The following CAMK4 variants were observed in gnomAD, a reference collection of about 807,000 sequenced individuals.
CAMK4 encodes calcium/calmodulin-dependent protein kinase type IV.
A neutral mutation model predicts 44.9 loss-of-function variants in CAMK4; 22 were observed. The ratio of observed to expected loss-of-function variants is 0.49; its 90% CI spans 0.35 to 0.70. CAMK4 has a LOEUF of 0.70. Ranked by LOEUF, CAMK4 falls within the 30% of genes least tolerant of loss-of-function variation. The pLI, the probability that CAMK4 is intolerant of heterozygous loss-of-function variation, is 0.01. For missense variants in CAMK4, 498 were observed against 586.8 expected (o/e 0.85, Z 1.56); for synonymous variants, 218 against 215.4 (o/e 1.01, Z -0.11).
At chr5:111,269,647 A>G (rs540093680) in intron 1 of CAMK4, among the ~76,000 whole-genome samples, 14 of 152,214 alleles carry the variant, frequency 9.2e-5, no homozygotes, top group South Asian at 2.1e-4. Context: ...AGCTTATTTT[A>G]TCTCACATCC....
At chr5:111,282,523 C>T (rs748565737) in intron 1 of CAMK4, among the ~76,000 whole-genome samples, 2 of 152,018 alleles carry the variant, frequency 1.3e-5, no homozygotes, top group Non-Finnish European at 2.9e-5. Context: ...CCCTTAATTC[C>T]GAATTTTTTA....
At chr5:111,434,985 G>A (rs1187724004) in intron 5 of CAMK4, among the ~76,000 whole-genome samples, 1 of 152,130 alleles carries the variant, frequency 6.6e-6, no homozygotes, top group Non-Finnish European at 1.5e-5. Flanking sequence ...CAGCATAGCT[G>A]TAATTAAACT....
rs1748575663 is a variant in CAMK4, at chr5:111,319,614, T to C, written c.162-24410T>C. Reference sequence around the variant, plus strand: ...AGTGTATAATGAAAATTGCTAATTCTGATGCTTATAAAGGGCAGGCCTGTG... The same window carrying C: ...AGTGTATAATGAAAATTGCTAATTCCGATGCTTATAAAGGGCAGGCCTGTG... On this transcript the variant is annotated intron_variant, in intron 1 of 10. Transcript: ENST00000282356. Among the ~76,000 whole-genome samples, 3 of 152,150 alleles carry C rather than the reference T, an allele frequency of 2.0e-5. No individual in the cohort carries two copies. The South Asian group carries it at 6.2e-4, about 32-fold the overall frequency.
At chr5:111,432,662 G>GTATATATATATA (rs58147378) in intron 5 of CAMK4, among the ~76,000 whole-genome samples, 29 of 142,962 alleles carry the variant, frequency 2.0e-4, no homozygotes, top group African/African-American at 7.0e-4. Flanking sequence ...ATATGTGTGT[G>GTATATATATATA]TATATATATA....
At chr5:111,274,423 C>T (rs1281226295) in intron 1 of CAMK4, among the ~76,000 whole-genome samples, 2 of 152,126 alleles carry the variant, frequency 1.3e-5, no homozygotes, top group Non-Finnish European at 2.9e-5. Flanking sequence ...CAGTGAATGG[C>T]ACATAATTGG....
intron 7 of CAMK4, among the ~76,000 whole-genome samples, chr5:111,456,021 A>G (rs77728748): frequency 6.6e-6 from 1 of 152,290 alleles, no homozygotes; most frequent in East Asian, 1.9e-4. Context: ...ATTATAATGA[A>G]TATCATCATC....
chr5:111,336,722 A>G (rs1749420605), intron 1 of CAMK4, among the ~76,000 whole-genome samples: 1 of 151,184 alleles, frequency 6.6e-6, no homozygotes, highest in African/African-American at 2.4e-5. Flanking sequence ...AATATTTTTT[A>G]TGTGAATTTT....
intron 1 of CAMK4, among the ~76,000 whole-genome samples, chr5:111,287,103 G>C (rs1751268742): frequency 6.6e-6 from 1 of 152,148 alleles, no homozygotes; most frequent in African/African-American, 2.4e-5. Context: ...TGGCCTTACT[G>C]AAACTTTTTT....
rs1755473026 is a variant in CAMK4 at position 111,482,658 on chromosome 5, A to AT, written c.829-120dup. On this transcript the variant is annotated intron_variant, in intron 9 of 10. Transcript: ENST00000282356. The surrounding 1 kb of genome is among the most constrained non-coding windows in gnomAD (Gnocchi z 4.9). ...ACAGTGGCCCCTGAGGACTTAAACA[A>AT]TTTTTTTCTCACATATATTTAGTGG... is the stretch of plus-strand genomic sequence containing the variant. The AT allele has an allele frequency of 4.0e-6, 3 of 741,208 alleles. No homozygotes were observed. The highest frequency in any genetic ancestry group is 6.5e-6 in the Non-Finnish European group (3 of 463,236). The allele number at this position is 741,208 out of a possible 1,614,324, so 45.9% of individuals were successfully genotyped here. A position where few individuals can be genotyped will look rare whatever the true frequency, so the allele number is the denominator to read the frequency against.
In CAMK4 at chr5:111,232,841, T is replaced by C. The variant is rs567789139; in HGVS notation, c.161+8197T>C. Among the ~76,000 whole-genome samples, 5 of 152,134 alleles carry C rather than the reference T, an allele frequency of 3.3e-5. No homozygotes were observed. In the South Asian group the frequency reaches 1.0e-3, roughly 32 times the overall value. On this transcript the variant is annotated intron_variant, in intron 1 of 10. Transcript: ENST00000282356. ...AGAAAGGAGAAATGTTGGACTTAGA[T>C]TGGTTACCTAGACCAGGTAAAGAGT... is the stretch of plus-strand genomic sequence containing the variant.
Position 111,449,203 on chromosome 5 carries a change from G to A in CAMK4, c.625G>A (p.Ala209Thr), listed in dbSNP as rs750970862. The change falls in exon 7 of 11, where the codon GCA (alanine) becomes ACA (threonine). Residue 209 changes from alanine (A) to threonine (T), a missense_variant and splice_region_variant. Transcript: ENST00000282356. ...KTVCGTPGYCAPEILRGCAYG... is the reference protein window; with the variant it reads ...KTVCGTPGYCTPEILRGCAYG... ...AGTATGTGGAACCCCAGGGTACTGC[G>A]GTATGCTCTTTAATAATTATATTTT... is the stretch of plus-strand genomic sequence containing the variant. The A allele has an allele frequency of 5.7e-6, 8 of 1,413,542 alleles. No individual in the cohort carries two copies. The highest frequency in any genetic ancestry group is 6.9e-6 in the Non-Finnish European group (7 of 1,017,120). The allele number at this position is 1,413,542 out of a possible 1,614,324, so 87.6% of individuals were successfully genotyped here.
chr5:111,312,957 C>T (rs897467857), intron 1 of CAMK4, among the ~76,000 whole-genome samples: 1 of 152,102 alleles, frequency 6.6e-6, no homozygotes, highest in African/African-American at 2.4e-5. Context: ...AACTTTTTAA[C>T]TTAAAACAAC....
intron 5 of CAMK4, among the ~76,000 whole-genome samples, chr5:111,443,272 A>G (rs1231228151): frequency 2.3e-5 from 1 of 43,532 alleles, no homozygotes; most frequent in Non-Finnish European, 4.0e-5. Context: ...ATATATATAT[A>G]TATATATACA....
intron 5 of CAMK4, among the ~76,000 whole-genome samples, chr5:111,443,345 A>AG (rs1753913070): frequency 1.4e-5 from 2 of 139,738 alleles, no homozygotes; most frequent in African/African-American, 5.4e-5. Flanking sequence ...TACTATATAT[A>AG]TACTATATAT....
chr5:111,474,098 A>G (rs1209557190), intron 8 of CAMK4, among the ~76,000 whole-genome samples: 3 of 152,192 alleles, frequency 2.0e-5, no homozygotes, highest in Non-Finnish European at 4.4e-5. Context: ...AACAACTAGA[A>G]AATAAGATAT....
intron 1 of CAMK4, among the ~76,000 whole-genome samples, chr5:111,330,938 A>G (rs1196687514): frequency 1.3e-5 from 2 of 151,768 alleles, no homozygotes; most frequent in Non-Finnish European, 2.9e-5. Context: ...ATATACCTTG[A>G]TACATGCCTT....
At chr5:111,423,079 T>C (rs1344151648) in intron 5 of CAMK4, among the ~76,000 whole-genome samples, 1 of 152,224 alleles carries the variant, frequency 6.6e-6, no homozygotes, top group Non-Finnish European at 1.5e-5. Flanking sequence ...AAATCTTGTT[T>C]AGGATCCTAG....
chr5:111,258,751 G>A (rs868308546), intron 1 of CAMK4, among the ~76,000 whole-genome samples: 3 of 145,054 alleles, frequency 2.1e-5, no homozygotes, highest in East Asian at 2.0e-4. Flanking sequence ...GTGTGTGTGT[G>A]TGTGTGTGTG....
intron 7 of CAMK4, among the ~76,000 whole-genome samples, chr5:111,462,449 T>C (rs1754677057): frequency 6.6e-6 from 1 of 152,238 alleles, no homozygotes; most frequent in African/African-American, 2.4e-5. Flanking sequence ...CAAGTATAGT[T>C]GGCCCATCAC....
Sources: allele counts gnomAD v4.1 joint callset (sites outside exome capture counted in the v4.1 genomes callset), GRCh38; gene constraint gnomAD v4.1.1; non-coding constraint Gnocchi (gnomAD v3.1); transcripts MANE v1.5; gene names NCBI Gene and HGNC (gene_info 2026-07-23, HGNC 2026-07-21).